The following GSE1 variants were observed in gnomAD, a reference collection of about 807,000 sequenced individuals.
GSE1 encodes the protein Gse1 coiled-coil protein.
In GSE1, 32 loss-of-function variants were observed where a neutral mutation model predicts 112.6. That is an observed-to-expected ratio of 0.28 (90% CI 0.21 to 0.38). The LOEUF (loss-of-function observed/expected upper bound fraction) is 0.38, where lower values mean the gene tolerates loss of function less well. GSE1 is among the 10% of genes least tolerant of loss of function. GSE1 has a pLI of 1.00. For synonymous variants in GSE1, 1,115 were observed against 735.6 expected (o/e 1.52, Z -8.35); for missense variants, 2,348 against 1,699.2 (o/e 1.38, Z -6.71).
At chr16:85,357,307 C>T (rs150025079) in intron 1 of GSE1, among the ~76,000 whole-genome samples, 113 of 152,336 alleles carry the variant, frequency 7.4e-4, no homozygotes, top group African/African-American at 2.6e-3. Context: ...TGAGGACCTG[C>T]TCTGCTGTTG....
intron 2 of GSE1, among the ~76,000 whole-genome samples, chr16:85,494,947 G>C (rs1472356552): frequency 6.6e-6 from 1 of 152,178 alleles, no homozygotes; most frequent in Non-Finnish European, 1.5e-5. Context: ...TCGGACTCCT[G>C]CTGCTTGGAA....
chr16:85,474,755 T>C (rs2050401717), intron 2 of GSE1, among the ~76,000 whole-genome samples: 1 of 148,408 alleles, frequency 6.7e-6, no homozygotes, highest in South Asian at 2.3e-4. Context: ...AGCTCCTCTC[T>C]GCCTGGAAAC....
chr16:85,375,709 G>T (rs1263283887), intron 2 of GSE1, among the ~76,000 whole-genome samples: 1 of 142,716 alleles, frequency 7.0e-6, no homozygotes, highest in Non-Finnish European at 1.5e-5. Context: ...CCCAGGCTGG[G>T]CCAGCACAGG....
At chr16:85,393,876 G>A (rs1449193553) in intron 2 of GSE1, among the ~76,000 whole-genome samples, 1 of 152,174 alleles carries the variant, frequency 6.6e-6, no homozygotes, top group Non-Finnish European at 1.5e-5. Flanking sequence ...CACCGCCAGG[G>A]GGCAGCAGGG....
At chr16:85,476,079 TGCCACCAC>T (rs2050445679) in intron 2 of GSE1, among the ~76,000 whole-genome samples, 1 of 152,066 alleles carries the variant, frequency 6.6e-6, no homozygotes, top group Non-Finnish European at 1.5e-5. Context: ...GACAGTTGCG[TGCCACCAC>T]GCCCAGCTAA....
At chr16:85,539,163 C>T (rs1310359763) in intron 2 of GSE1, among the ~76,000 whole-genome samples, 1 of 152,244 alleles carries the variant, frequency 6.6e-6, no homozygotes, top group South Asian at 2.1e-4. Context: ...GTGTGTTTGT[C>T]TTTCCTCGTT....
In GSE1 at chr16:85,577,339, C is replaced by T. The variant is rs569661851; in HGVS notation, c.37+20976C>T. On this transcript the variant is annotated intron_variant, in intron 1 of 2. Transcript: ENST00000635906. ...CTCTCAGGGAAGTGGGGTGTGCATT[C>T]GGGGCACTTGGGTTTTTCTCTGCTG... Among the ~76,000 whole-genome samples, 7 of 152,248 alleles carry T rather than the reference C, an allele frequency of 4.6e-5. No homozygotes were observed. In the South Asian group the frequency reaches 8.3e-4, roughly 18 times the overall value.
chr16:85,664,897 T>C (rs2052712707), intron 11 of GSE1, 118 bp from the exon 12 acceptor site: 1 of 675,522 alleles, frequency 1.5e-6, no homozygotes, highest in Admixed American at 2.3e-5. Context: ...ACACCTGCTT[T>C]TGGTTTTTCG....
At chr16:85,352,375 T>G (rs1232940422) in intron 1 of GSE1, among the ~76,000 whole-genome samples, 2 of 152,124 alleles carry the variant, frequency 1.3e-5, no homozygotes. Context: ...CCAGGGAAAT[T>G]CAGGAAACAA....
chr16:85,598,237 G>A (rs34074562), intron 1 of GSE1, among the ~76,000 whole-genome samples: 6 of 136,930 alleles, frequency 4.4e-5, no homozygotes, highest in Non-Finnish European at 9.2e-5. Context: ...AGAGGGCCCA[G>A]AAGGTTCTTT....
chr16:85,396,186 C>T (rs1197324938), intron 2 of GSE1, among the ~76,000 whole-genome samples: 3 of 152,206 alleles, frequency 2.0e-5, no homozygotes, highest in Non-Finnish European at 4.4e-5. Context: ...CTTCCTTGCC[C>T]CTGCCCGTCT....
intron 2 of GSE1, among the ~76,000 whole-genome samples, chr16:85,395,499 CCAGGCTGGACA>C (rs1449217675): frequency 6.6e-6 from 1 of 152,184 alleles, no homozygotes; most frequent in African/African-American, 2.4e-5. Context: ...GCATGTCTGG[CCAGGCTGGACA>C]CAGGCTGGCA....
chr16:85,615,516 C>T (rs1254330171), intron 1 of GSE1, among the ~76,000 whole-genome samples: 2 of 151,700 alleles, frequency 1.3e-5, no homozygotes, highest in Admixed American at 6.5e-5. Context: ...TTGGAGTTTT[C>T]TTTCCTGGAG....
At position 85,663,503 on chromosome 16, in the gene GSE1, C is replaced by T. The variant is rs891985914; in HGVS notation, c.2533C>T (p.Leu845=). 5.0e-6 allele frequency: 8 copies of T among 1,613,960 alleles called. No homozygotes were observed. Among genetic ancestry groups the T allele is most frequent in the Non-Finnish European group, 6.8e-6 (8 of 1,180,036 alleles). Residue 845 remains leucine, a synonymous_variant, in exon 11 of 16, where the codon CTG becomes TTG. Coordinates refer to ENST00000253458, the MANE Select transcript of GSE1 (RefSeq NM_014615.5). ...GCAGACGCCTTCACCGAGACTGGCGCTGTCTACCCGCTACAGCCCTGATGA... is the reference window on the plus strand; with the variant it reads ...GCAGACGCCTTCACCGAGACTGGCGTTGTCTACCCGCTACAGCCCTGATGA... ...KRQTPSPRLA[L]STRYSPDEMN...
intron 5 of GSE1, among the ~76,000 whole-genome samples, chr16:85,655,238 G>T (rs577245974): frequency 6.6e-6 from 1 of 152,116 alleles, no homozygotes; most frequent in Admixed American, 6.5e-5. Flanking sequence ...CCTTCTCACC[G>T]GGGGGTCCAT....
chr16:85,541,121 G>C (rs1227009797), intron 2 of GSE1, among the ~76,000 whole-genome samples: 5 of 152,262 alleles, frequency 3.3e-5, no homozygotes, highest in South Asian at 2.1e-4. Flanking sequence ...GTCAGGGTGG[G>C]AGTAGGCAGC....
At chr16:85,486,983 C>T (rs2050862642) in intron 2 of GSE1, among the ~76,000 whole-genome samples, 2 of 152,106 alleles carry the variant, frequency 1.3e-5, no homozygotes, top group South Asian at 4.2e-4. Context: ...AGTATAGGCA[C>T]CCCAGGGACT....
intron 1 of GSE1, among the ~76,000 whole-genome samples, chr16:85,247,732 CT>C (rs1906013943): frequency 1.3e-5 from 2 of 152,230 alleles, no homozygotes. Context: ...ATTGCTGCCC[CT>C]GGGGCTGCTG....
At chr16:85,362,338 C>G (rs2047099704) in intron 2 of GSE1, among the ~76,000 whole-genome samples, 1 of 152,218 alleles carries the variant, frequency 6.6e-6, no homozygotes. Context: ...GAGGACACTC[C>G]TAATTTATCA....
Sources: allele counts gnomAD v4.1 joint callset (sites outside exome capture counted in the v4.1 genomes callset), GRCh38; gene constraint gnomAD v4.1.1; transcripts MANE v1.5; gene names NCBI Gene and HGNC (gene_info 2026-07-23, HGNC 2026-07-21).